Variants in VPS13B observed in about 807,000 individuals in gnomAD.
The protein encoded by VPS13B is vacuolar protein sorting 13 homolog B, also known as intermembrane lipid transfer protein VPS13B.
Under a neutral mutation model 426.4 loss-of-function variants are expected in VPS13B, and 285 were observed. That is an observed-to-expected ratio of 0.67 (90% CI 0.61 to 0.74). The LOEUF is 0.74. Ranked by LOEUF, VPS13B falls within the 30% of genes least tolerant of loss-of-function variation. The probability of loss-of-function intolerance (pLI) is 0.00; values close to 1 mark genes in which losing one functional copy is unlikely to be tolerated. For missense variants in VPS13B, 4,537 were observed against 4,782.6 expected, an observed-to-expected ratio of 0.95 and a Z score of 1.51; for synonymous variants, 1,676 against 1,676.4, an observed-to-expected ratio of 1.00 and a Z score of 0.01.
intron 20 of VPS13B, among the ~76,000 whole-genome samples, chr8:99,388,545 T>C (rs1814251224): frequency 1.3e-5 from 2 of 152,154 alleles, no homozygotes; most frequent in South Asian, 2.1e-4. Flanking sequence ...CAACTGAAAT[T>C]TGAGAAGAGC....
chr8:99,502,002 C>A, intron 26 of VPS13B, 144 bp downstream of exon 26: 3 of 1,088,686 alleles, frequency 2.8e-6, no homozygotes, highest in Non-Finnish European at 4.0e-6. Flanking sequence ...TCTTTCCTTT[C>A]TGACAGAGTT....
chr8:99,615,785 T>C lies in VPS13B; in HGVS notation c.5221-26026T>C, dbSNP rs566848811. 8.5e-5 allele frequency among the ~76,000 whole-genome samples: 13 copies of C among 152,316 alleles called. No homozygotes were observed. In the South Asian group the frequency reaches 2.5e-3, roughly 29 times the overall value. ...AAGGGGAGTTGTGACGTGTGAATGTTAAAGCCCCTTTCAGTTCGAGAATTC... is the reference window on the plus strand; with the variant it reads ...AAGGGGAGTTGTGACGTGTGAATGTCAAAGCCCCTTTCAGTTCGAGAATTC... On this transcript the variant is annotated intron_variant, in intron 33 of 61. Coordinates refer to ENST00000357162, the MANE Select transcript of VPS13B (RefSeq NM_152564.5).
At chr8:99,044,080 C>CTTTTTT (rs1334044601) in intron 3 of VPS13B, among the ~76,000 whole-genome samples, 2 of 85,422 alleles carry the variant, frequency 2.3e-5, no homozygotes, top group Non-Finnish European at 2.5e-5. Context: ...TTTTTTCTTT[C>CTTTTTT]TTTCTTTTTT....
At chr8:99,550,776 A>AT (rs1399532848) in intron 30 of VPS13B, among the ~76,000 whole-genome samples, 2 of 151,944 alleles carry the variant, frequency 1.3e-5, no homozygotes, top group East Asian at 1.9e-4. Flanking sequence ...TTTTATTATG[A>AT]TTTTTTTGAC....
At chr8:99,453,132 G>A (rs540940093) in intron 23 of VPS13B, among the ~76,000 whole-genome samples, 3 of 152,288 alleles carry the variant, frequency 2.0e-5, no homozygotes, top group South Asian at 4.1e-4. Context: ...AAATTATTTA[G>A]CATCTATGAA....
intron 43 of VPS13B, among the ~76,000 whole-genome samples, chr8:99,806,187 A>G (rs1208936212): frequency 1.3e-5 from 2 of 152,200 alleles, no homozygotes; most frequent in Non-Finnish European, 2.9e-5. Flanking sequence ...TCCTTAGTTT[A>G]GTAAATCAGT....
chr8:99,337,024 A>G (rs979140704), intron 19 of VPS13B, among the ~76,000 whole-genome samples: 3 of 152,164 alleles, frequency 2.0e-5, no homozygotes, highest in East Asian at 1.9e-4. Flanking sequence ...TATATACCCA[A>G]AGGATTATAA....
chr8:99,459,219 A>G (rs1818701735), intron 23 of VPS13B, among the ~76,000 whole-genome samples: 1 of 152,160 alleles, frequency 6.6e-6, no homozygotes, highest in South Asian at 2.1e-4. Flanking sequence ...CATTCTATTA[A>G]TATATATGCC....
intron 39 of VPS13B, among the ~76,000 whole-genome samples, chr8:99,741,335 A>T (rs1374991632): frequency 6.6e-6 from 1 of 152,188 alleles, no homozygotes; most frequent in Non-Finnish European, 1.5e-5. Flanking sequence ...AAGTCCTTAG[A>T]GACCTACAAA....
chr8:99,133,148 C>T (rs2132549969), intron 8 of VPS13B, among the ~76,000 whole-genome samples: 1 of 152,262 alleles, frequency 6.6e-6, no homozygotes, highest in African/African-American at 2.4e-5. Context: ...TTAGTGTAGC[C>T]ACTTTCGTTA....
intron 19 of VPS13B, among the ~76,000 whole-genome samples, chr8:99,367,251 A>G (rs1039600971): frequency 6.6e-5 from 10 of 152,158 alleles, no homozygotes; most frequent in South Asian, 2.1e-4. Context: ...TCATGTTTGA[A>G]TGATATTTTC....
intron 33 of VPS13B, among the ~76,000 whole-genome samples, chr8:99,603,145 T>C (rs1291332070): frequency 6.6e-6 from 1 of 152,174 alleles, no homozygotes; most frequent in Non-Finnish European, 1.5e-5. Context: ...CATTCCTAAA[T>C]TAGTGGAGAA....
chr8:99,487,386 A>G (rs891176092), intron 25 of VPS13B, among the ~76,000 whole-genome samples: 2 of 152,186 alleles, frequency 1.3e-5, no homozygotes, highest in African/African-American at 2.4e-5. Context: ...CTCTCCTTGT[A>G]CATATTAACT....
rs1204516052 is a variant in VPS13B, at chr8:99,577,526, A to G, written c.5113A>G (p.Ile1705Val). ...LVCGHSLEVN[I>V]TTNLDFFLSV... ...GTGTGGCCATTCCTTAGAAGTGAAT[A>G]TAACCACAAACCTGGACTTCTTCCT... The change falls in exon 33 of 62, where the codon ATA becomes GTA. Residue 1705 changes from isoleucine (I) to valine (V), a missense_variant. Around this residue, in one of 2 missense-constraint regions of VPS13B, gnomAD observed 4,311 missense variants for 4,474.3 expected, o/e 0.96. Coordinates refer to ENST00000357162, the MANE Select transcript of VPS13B (RefSeq NM_152564.5). 1.9e-6 allele frequency: 3 copies of G among 1,613,778 alleles called. No homozygotes were observed. The highest frequency in any genetic ancestry group is 2.5e-6 in the Non-Finnish European group (3 of 1,179,790).
chr8:99,330,823 A>G (rs1032906925), intron 19 of VPS13B, among the ~76,000 whole-genome samples: 7 of 151,860 alleles, frequency 4.6e-5, no homozygotes, highest in African/African-American at 1.7e-4. Context: ...TACCCATGGT[A>G]ACTTTTTTTT....
chr8:99,105,950 A>T (rs756345900), intron 5 of VPS13B, among the ~76,000 whole-genome samples: 1 of 152,318 alleles, frequency 6.6e-6, no homozygotes, highest in Non-Finnish European at 1.5e-5. Flanking sequence ...GTGGTGATAA[A>T]GACAGTGAAA....
At position 99,784,691 on chromosome 8, in the gene VPS13B, G is replaced by A. The variant is rs117251625; in HGVS notation, c.7941+215G>A. ...CCTGTTTAGCACTGGTGCTTGGGGC[G>A]GGGGCAGCAGGGTGTGGTGATGAAG... On this transcript the variant is annotated intron_variant, in intron 43 of 61. Coordinates refer to ENST00000357162, the MANE Select transcript of VPS13B (RefSeq NM_152564.5). Among the ~76,000 whole-genome samples, 456 of 152,238 alleles carry A rather than the reference G, an allele frequency of 3.0e-3. 1 individual carries two copies. Among genetic ancestry groups the A allele is most frequent in the Non-Finnish European group, 4.6e-3 (316 of 67,998 alleles).
intron 33 of VPS13B, among the ~76,000 whole-genome samples, chr8:99,619,564 T>C (rs1279605008): frequency 6.6e-6 from 1 of 152,190 alleles, no homozygotes; most frequent in African/African-American, 2.4e-5. Flanking sequence ...CCCACAATTT[T>C]ATAATGATTA....
At chr8:99,194,407 C>G (rs1046748835) in intron 17 of VPS13B, among the ~76,000 whole-genome samples, 3 of 152,158 alleles carry the variant, frequency 2.0e-5, no homozygotes, top group Non-Finnish European at 4.4e-5. Flanking sequence ...CTTCCTGTTA[C>G]ATACCCACCC....
Sources: gnomAD v4.1 joint callset for allele counts (sites outside exome capture counted in the v4.1 genomes callset) on GRCh38, gnomAD v4.1.1 for gene constraint, gnomAD v4.1.1 regional missense constraint, MANE v1.5 for transcripts, NCBI Gene and HGNC (gene_info 2026-07-23, HGNC 2026-07-21) for gene names.